The following RBM25 variants were observed in gnomAD, a reference collection of about 807,000 sequenced individuals.
RBM25 encodes the protein RNA binding motif protein 25.
RBM25 carries 19 observed loss-of-function variants against 120.7 expected under a neutral mutation model. That is an observed-to-expected ratio of 0.16 (90% CI 0.11 to 0.23). The LOEUF is 0.23. Among genes scored for constraint, RBM25 ranks in the 10% least tolerant of loss-of-function variants. The pLI, the probability that RBM25 is intolerant of heterozygous loss-of-function variation, is 1.00. For missense variants in RBM25, 605 were observed against 1,041.5 expected (o/e 0.58, Z 5.77); for synonymous variants, 390 against 326.7 (o/e 1.19, Z -2.09).
intron 13 of RBM25, 154 bp from the exon 14 acceptor site, chr14:73,109,188 C>T (rs1896253276): frequency 8.3e-6 from 6 of 719,366 alleles, no homozygotes; most frequent in Non-Finnish European, 1.2e-5. Context: ...AGAGAGCACA[C>T]TCTGGTGTGT....
chr14:73,062,950 A>G (rs968595524), intron 1 of RBM25, among the ~76,000 whole-genome samples: 6 of 150,438 alleles, frequency 4.0e-5, no homozygotes, highest in African/African-American at 1.5e-4. Context: ...CCTCCTGAGT[A>G]TCTGGGACCA....
intron 12 of RBM25, 36 bp from the exon 13 acceptor site, chr14:73,107,790 A>G: frequency 7.0e-7 from 1 of 1,421,364 alleles, no homozygotes; most frequent in Non-Finnish European, 9.8e-7. Context: ...TATTACTTGT[A>G]TGTTAATTTT....
chr14:73,065,150 GAC>G (rs1241947880), intron 1 of RBM25: 1 of 150,852 alleles, frequency 6.6e-6, no homozygotes, highest in African/African-American at 2.4e-5. Flanking sequence ...TTTCTTTTGA[GAC>G]AGAGTCTCAC....
In RBM25 at chr14:73,123,496, A is replaced by G. The variant is rs1896569526; in HGVS notation, c.*3691A>G. 6.6e-6 allele frequency: 1 copy of G among 152,176 alleles called. No individual in the cohort carries two copies. Among genetic ancestry groups the G allele is most frequent in the Admixed American group, 6.5e-5 (1 of 15,274 alleles). The allele number at this position is 152,176 out of a possible 1,614,324, so 9.4% of individuals were successfully genotyped here. On this transcript the variant is annotated 3_prime_UTR_variant, in exon 19 of 19. Coordinates refer to ENST00000261973, the MANE Select transcript of RBM25 (RefSeq NM_021239.3). ...AAATAGTTTTGCTCAACAAAAGATG[A>G]TGAGGGATTGATTTGTGAATGTCAC...
chr14:73,074,228 A>T (rs1986616), intron 2 of RBM25, among the ~76,000 whole-genome samples: 2 of 151,784 alleles, frequency 1.3e-5, no homozygotes, highest in African/African-American at 4.8e-5. Flanking sequence ...TTAATTTATT[A>T]ATTTTTTTGA....
At position 73,071,775 on chromosome 14, in the gene RBM25, G is replaced by A. The variant is rs186206264; in HGVS notation, c.106+28G>A. On this transcript the variant is annotated intron_variant, in intron 2 of 18. Coordinates refer to ENST00000261973, the MANE Select transcript of RBM25 (RefSeq NM_021239.3). ...AAGTTTGTTGATACTGTTTTTTGTCGTTAAACTTGTACTTTTGTCTTTGTG... is the reference window on the plus strand; with the variant it reads ...AAGTTTGTTGATACTGTTTTTTGTCATTAAACTTGTACTTTTGTCTTTGTG... The A allele has an allele frequency of 1.2e-4, 184 of 1,529,982 alleles. No individual in the cohort carries two copies. In the East Asian group the frequency reaches 3.3e-3, roughly 28 times the overall value. The allele number at this position is 1,529,982 out of a possible 1,614,324, so 94.8% of individuals were successfully genotyped here.
In RBM25 at chr14:73,114,312, C is replaced by A; in HGVS notation, c.2418C>A (p.Ser806Arg). Residue 806 changes from serine (S) to arginine (R), a missense_variant, in exon 18 of 19, where the codon AGC (serine) becomes AGA (arginine). Ser to Arg is a moderately radical substitution (Grantham distance 110, BLOSUM62 -1). Coordinates refer to ENST00000261973, the MANE Select transcript of RBM25 (RefSeq NM_021239.3). ...SKVMAHSSPQ[S>R]ILDDVAMVLD... ...TTATGGCTCATAGTTCACCCCAGAG[C>A]ATTTTAGATGATGTTGCCATGGTAA... The A allele has an allele frequency of 6.4e-7, 1 of 1,569,306 alleles. No individual in the cohort carries two copies. Among genetic ancestry groups the A allele is most frequent in the Non-Finnish European group, 8.6e-7 (1 of 1,156,676 alleles).
chr14:73,093,955 T>TC (rs1322883753), intron 6 of RBM25, among the ~76,000 whole-genome samples: 1 of 148,096 alleles, frequency 6.8e-6, no homozygotes. Context: ...TTTGTTTTTT[T>TC]TTTTTTTTTT....
At chr14:73,077,030 G>A (rs1895439312) in intron 3 of RBM25, among the ~76,000 whole-genome samples, 1 of 152,216 alleles carries the variant, frequency 6.6e-6, no homozygotes, top group African/African-American at 2.4e-5. Flanking sequence ...GCAGTGAGCC[G>A]AGATTATGCC....
rs766689839 is a variant in RBM25, at chr14:73,076,282, C to CAGT, written c.107-36_107-34dup. 5.9e-6 allele frequency: 9 copies of CAGT among 1,530,080 alleles called. No individual in the cohort carries two copies. The South Asian group carries it at 1.0e-4, about 17-fold the overall frequency. 94.8% of individuals were successfully genotyped at this position (1,530,080 alleles called of 1,614,324 possible). On this transcript the variant is annotated intron_variant, in intron 2 of 18. Transcript: ENST00000261973. ...TGTGGCATGTTGTTGATAGAGAATG[C>CAGT]AGTCATGTAAAATCAGTGTGGTTTT...
intron 11 of RBM25, 40 bp from the exon 12 acceptor site, chr14:73,106,156 T>C: frequency 6.3e-7 from 1 of 1,577,426 alleles, no homozygotes; most frequent in Non-Finnish European, 8.6e-7. Context: ...TAGAATGCTA[T>C]GTATAAATTT....
At chr14:73,059,593 C>A (rs1258462128) in intron 1 of RBM25, among the ~76,000 whole-genome samples, 3 of 152,172 alleles carry the variant, frequency 2.0e-5, no homozygotes, top group African/African-American at 7.2e-5. Context: ...CTGTTGCACC[C>A]TACTGCTGTA....
chr14:73,106,635 A>T (rs1245242805), intron 12 of RBM25, among the ~76,000 whole-genome samples: 1 of 152,112 alleles, frequency 6.6e-6, no homozygotes, highest in Non-Finnish European at 1.5e-5. Context: ...GAAATTCCGT[A>T]AGTTAAGAGA....
chr14:73,067,802 G>A (rs1279827381), intron 1 of RBM25, among the ~76,000 whole-genome samples: 11 of 150,930 alleles, frequency 7.3e-5, no homozygotes, highest in South Asian at 2.1e-4. Context: ...TAGTAGAGAC[G>A]GGGTTTCACC....
In RBM25 at chr14:73,111,091, A is replaced by G; in HGVS notation, c.1953A>G (p.Glu651=). 6.2e-7 allele frequency: 1 copy of G among 1,614,198 alleles called. No individual in the cohort carries two copies. Among genetic ancestry groups the G allele is most frequent in the Non-Finnish European group, 8.5e-7 (1 of 1,180,040 alleles). ...CCTGTGGTATTATTATTCCTCATGA[A>G]AACTCACCAGATCAACAGCAACCTG... The part of the protein sequence containing the change: ...ESPCGIIIPH[E]NSPDQQQPEE... The change falls in exon 15 of 19, where the codon GAA becomes GAG. Residue 651 remains glutamate (E), a synonymous_variant. Transcript: ENST00000261973.
In RBM25 at chr14:73,094,204, C is replaced by T. The variant is rs141383521; in HGVS notation, c.544-2711C>T. ...TCCTGACCTTGTGATCTGCCTGCCT[C>T]GGCCTCCCAAAGTGCTGGGATTATA... On this transcript the variant is annotated intron_variant, in intron 6 of 18. Coordinates refer to ENST00000261973, the MANE Select transcript of RBM25 (RefSeq NM_021239.3). Among the ~76,000 whole-genome samples the T allele has an allele frequency of 5.9e-3, 901 of 151,504 alleles. 13 individuals are homozygous for T. The highest frequency in any genetic ancestry group is 0.02 in the African/African-American group (837 of 41,326).
chr14:73,068,553 G>A (rs962210027), intron 1 of RBM25: 4 of 662,948 alleles, frequency 6.0e-6, no homozygotes, highest in Middle Eastern at 4.7e-4. Context: ...CCAATTCTTT[G>A]GCACTGATGT....
intron 12 of RBM25, among the ~76,000 whole-genome samples, chr14:73,106,798 C>T (rs931930841): frequency 6.6e-6 from 1 of 151,162 alleles, no homozygotes; most frequent in Non-Finnish European, 1.5e-5. Context: ...AAACCATATA[C>T]ATATACACAT....
intron 4 of RBM25, among the ~76,000 whole-genome samples, chr14:73,078,601 C>T (rs1895481176): frequency 6.6e-6 from 1 of 152,090 alleles, no homozygotes; most frequent in African/African-American, 2.4e-5. Context: ...ATCCATGATC[C>T]AATGAAAGAT....
Sources: gnomAD v4.1 joint callset for allele counts (sites outside exome capture counted in the v4.1 genomes callset) on GRCh38, gnomAD v4.1.1 for gene constraint, MANE v1.5 for transcripts, NCBI Gene and HGNC (gene_info 2026-07-23, HGNC 2026-07-21) for gene names.